Variants in FARS2 observed in about 807,000 individuals in gnomAD.
The protein encoded by FARS2 is phenylalanine--tRNA ligase, mitochondrial.
A neutral mutation model predicts 46.4 loss-of-function variants in FARS2; 40 were observed. The ratio of observed to expected loss-of-function variants is 0.86; its 90% CI spans 0.67 to 1.12. The LOEUF (loss-of-function observed/expected upper bound fraction) is 1.12, where lower values mean the gene tolerates loss of function less well. Among genes scored for constraint, FARS2 ranks in the 50% most tolerant of loss-of-function variants. FARS2 has a pLI of 0.00. For synonymous variants in FARS2, 234 were observed against 214.9 expected (o/e 1.09, Z -0.78); for missense variants, 513 against 567.9 (o/e 0.90, Z 0.98).
chr6:5,269,481 CAAAA>C (rs766259294), intron 1 of FARS2, among the ~76,000 whole-genome samples: 14 of 135,548 alleles, frequency 1.0e-4, no homozygotes. Context: ...TGAAAATAAC[CAAAA>C]AAAAAAAAAG....
chr6:5,769,715 TATCGGGA>T (rs1471140407), intron 6 of FARS2, among the ~76,000 whole-genome samples: 1 of 152,198 alleles, frequency 6.6e-6, no homozygotes, highest in Non-Finnish European at 1.5e-5. Flanking sequence ...CTCCATGTGC[TATCGGGA>T]ATCCCCAGGA....
intron 6 of FARS2, among the ~76,000 whole-genome samples, chr6:5,755,706 G>A (rs1762168349): frequency 6.6e-6 from 1 of 151,696 alleles, no homozygotes; most frequent in African/African-American, 2.4e-5. Context: ...CTGTAATTTG[G>A]GGCCTTGAGG....
intron 5 of FARS2, among the ~76,000 whole-genome samples, chr6:5,585,714 T>C (rs1289527480): frequency 6.6e-6 from 1 of 151,802 alleles, no homozygotes; most frequent in East Asian, 1.9e-4. Context: ...AATATTCAAA[T>C]ATAATCCATT....
intron 5 of FARS2, among the ~76,000 whole-genome samples, chr6:5,597,217 T>C (rs1254365281): frequency 6.6e-6 from 1 of 152,214 alleles, no homozygotes; most frequent in African/African-American, 2.4e-5. Flanking sequence ...ACCCATGTTT[T>C]GTTATTTGAA....
chr6:5,440,204 G>A (rs1455028642), intron 4 of FARS2, among the ~76,000 whole-genome samples: 1 of 151,996 alleles, frequency 6.6e-6, no homozygotes, highest in Non-Finnish European at 1.5e-5. Flanking sequence ...ATATAAAACT[G>A]TAAATCTTTA....
intron 4 of FARS2, among the ~76,000 whole-genome samples, chr6:5,502,197 G>C (rs1048743025): frequency 6.6e-6 from 1 of 152,212 alleles, no homozygotes; most frequent in African/African-American, 2.4e-5. Context: ...GCAAAGTGCA[G>C]GAGCCACTGG....
At chr6:5,688,271 C>G (rs1057254177) in intron 6 of FARS2, among the ~76,000 whole-genome samples, 1 of 152,148 alleles carries the variant, frequency 6.6e-6, no homozygotes, top group Non-Finnish European at 1.5e-5. Context: ...GCATCCCTGT[C>G]TTGTGCCAGT....
intron 6 of FARS2, among the ~76,000 whole-genome samples, chr6:5,761,357 A>G (rs1762465978): frequency 6.6e-6 from 1 of 152,170 alleles, no homozygotes; most frequent in Non-Finnish European, 1.5e-5. Context: ...TGTGTCATGC[A>G]CAGAACAGCC....
intron 1 of FARS2, among the ~76,000 whole-genome samples, chr6:5,361,173 A>G (rs145197305): frequency 0.014 from 2,194 of 152,314 alleles, 26 homozygotes; most frequent in Non-Finnish European, 0.022. Flanking sequence ...AGTTAAGATC[A>G]TATCGTACAT....
intron 1 of FARS2, among the ~76,000 whole-genome samples, chr6:5,303,879 A>G (rs1768502413): frequency 6.6e-6 from 1 of 151,626 alleles, no homozygotes; most frequent in Admixed American, 6.6e-5. Context: ...TAGCAGATGG[A>G]CACTGCTCAT....
At chr6:5,355,741 G>A (rs1021386063) in intron 1 of FARS2, among the ~76,000 whole-genome samples, 2 of 151,818 alleles carry the variant, frequency 1.3e-5, no homozygotes, top group East Asian at 1.9e-4. Flanking sequence ...GCACACACAC[G>A]GTATAACATG....
chr6:5,646,459 C>G (rs1189431477), intron 6 of FARS2, among the ~76,000 whole-genome samples: 1 of 152,086 alleles, frequency 6.6e-6, no homozygotes, highest in African/African-American at 2.4e-5. Context: ...CATTGCCGGT[C>G]TGTGGTCTAT....
rs569523130 is a variant in FARS2 at position 5,767,347 on chromosome 6, C to T, written c.1218-3944C>T. Among the ~76,000 whole-genome samples the T allele has an allele frequency of 4.6e-3, 707 of 152,288 alleles. 7 individuals are homozygous for T. Among genetic ancestry groups the T allele is most frequent in the African/African-American group, 0.016 (657 of 41,558 alleles). On this transcript the variant is annotated intron_variant, in intron 6 of 6. Coordinates refer to ENST00000274680, the MANE Select transcript of FARS2 (RefSeq NM_006567.5). ...CTGGGATTACAGGCATGAGCCACCG[C>T]GCCCGGCCAATCCATCCAGATATTA... is the stretch of plus-strand genomic sequence containing the variant.
chr6:5,723,532 G>T (rs2150924238), intron 6 of FARS2, among the ~76,000 whole-genome samples: 1 of 152,290 alleles, frequency 6.6e-6, no homozygotes, highest in South Asian at 2.1e-4. Flanking sequence ...CAATGCCTGT[G>T]AACCGCTGTC....
intron 2 of FARS2, among the ~76,000 whole-genome samples, chr6:5,377,881 A>T (rs1237137059): frequency 1.3e-5 from 2 of 152,196 alleles, no homozygotes. Context: ...TGCCTACCTT[A>T]TCTTAGTCCC....
At chr6:5,386,361 C>A (rs1760134591) in intron 2 of FARS2, among the ~76,000 whole-genome samples, 2 of 152,022 alleles carry the variant, frequency 1.3e-5, no homozygotes, top group African/African-American at 4.8e-5. Context: ...TCATGAAGGG[C>A]CTGCTATGTA....
At chr6:5,705,760 C>T (rs1411644082) in intron 6 of FARS2, among the ~76,000 whole-genome samples, 2 of 152,212 alleles carry the variant, frequency 1.3e-5, no homozygotes, top group African/African-American at 4.8e-5. Context: ...GCACCCATCC[C>T]TCAGCTCGCG....
chr6:5,719,629 A>G (rs1207962248), intron 6 of FARS2, among the ~76,000 whole-genome samples: 1 of 152,104 alleles, frequency 6.6e-6, no homozygotes, highest in Non-Finnish European at 1.5e-5. Flanking sequence ...GGCCTCACAC[A>G]AAGATGAGCT....
intron 3 of FARS2, among the ~76,000 whole-genome samples, chr6:5,429,884 A>G (rs918343712): frequency 3.3e-5 from 5 of 152,044 alleles, no homozygotes; most frequent in African/African-American, 1.2e-4. Context: ...GGTTTGGCAC[A>G]GTGGCCCAGT....
Sources: gnomAD v4.1 joint callset for allele counts (sites outside exome capture counted in the v4.1 genomes callset) on GRCh38, gnomAD v4.1.1 for gene constraint, MANE v1.5 for transcripts, NCBI Gene and HGNC (gene_info 2026-07-23, HGNC 2026-07-21) for gene names.